Variants in BCKDHB observed in about 807,000 individuals in gnomAD.
The protein encoded by BCKDHB is branched chain keto acid dehydrogenase E1 subunit beta.
BCKDHB carries 41 observed loss-of-function variants against 48.5 expected under a neutral mutation model. That is an observed-to-expected ratio of 0.85 (90% confidence interval 0.66 to 1.10). BCKDHB has a LOEUF of 1.10. Ranked by LOEUF, BCKDHB falls within the 50% of genes least tolerant of loss-of-function variation. BCKDHB has a pLI of 0.00. For missense variants in BCKDHB, 496 were observed against 494.2 expected (o/e 1.00, Z -0.03); for synonymous variants, 201 against 174.8 (o/e 1.15, Z -1.18).
At chr6:80,238,487 C>T (rs868103557) in intron 8 of BCKDHB, among the ~76,000 whole-genome samples, 2 of 152,170 alleles carry the variant, frequency 1.3e-5, no homozygotes, top group African/African-American at 2.4e-5. Context: ...AATAACAACT[C>T]GTGAATCTGG....
At chr6:80,210,150 A>C (rs1346204363) in intron 8 of BCKDHB, among the ~76,000 whole-genome samples, 1 of 151,760 alleles carries the variant, frequency 6.6e-6, no homozygotes, top group Non-Finnish European at 1.5e-5. Context: ...AAAAAAAAAA[A>C]AAAACCAGAA....
intron 9 of BCKDHB, among the ~76,000 whole-genome samples, chr6:80,315,842 G>A (rs4235811): frequency 0.8 from 121,347 of 152,016 alleles, 48,598 homozygotes; most frequent in Admixed American, 0.87. Flanking sequence ...TGTAAGGAGT[G>A]AATTATGGAA....
At chr6:80,164,258 A>G (rs928358026) in intron 3 of BCKDHB, among the ~76,000 whole-genome samples, 4 of 151,714 alleles carry the variant, frequency 2.6e-5, no homozygotes, top group African/African-American at 9.7e-5. Context: ...CTTTTACTCT[A>G]GACCAGGCAA....
chr6:80,142,086 G>A lies in BCKDHB; in HGVS notation c.343+12857G>A, dbSNP rs149795367. Among the ~76,000 whole-genome samples the A allele has an allele frequency of 1.7e-3, 265 of 152,080 alleles. 1 individual carries two copies. Among genetic ancestry groups the A allele is most frequent in the African/African-American group, 6.0e-3 (251 of 41,534 alleles). ...AGACCAGTGAATTTTCATTTCTTATGTATTTGGAGTTGCTTGTTTTTTGAT... is the reference window on the plus strand; with the variant it reads ...AGACCAGTGAATTTTCATTTCTTATATATTTGGAGTTGCTTGTTTTTTGAT... On this transcript the variant is annotated intron_variant, in intron 3 of 9. Coordinates refer to ENST00000320393, the MANE Select transcript of BCKDHB (RefSeq NM_183050.4).
chr6:80,381,332 G>C, the BCKDHB span, among the ~76,000 whole-genome samples: 107 of 152,152 alleles, frequency 7.0e-4, 1 homozygote, highest in African/African-American at 2.4e-3. Context: ...CCAGAATGTG[G>C]ATCATGCCAG....
At chr6:80,130,138 C>CA (rs142179176) in intron 3 of BCKDHB, among the ~76,000 whole-genome samples, 2,842 of 152,276 alleles carry the variant, frequency 0.019, 83 homozygotes, top group African/African-American at 0.065. Context: ...TTCTGACTTG[C>CA]AGTGTAAGGA....
intron 6 of BCKDHB, among the ~76,000 whole-genome samples, chr6:80,179,272 C>T (rs1582296705): frequency 6.6e-6 from 1 of 152,184 alleles, no homozygotes; most frequent in East Asian, 1.9e-4. Flanking sequence ...ATAAAATGAT[C>T]TACTTTTTAA....
chr6:80,436,513 T>A, the BCKDHB span, among the ~76,000 whole-genome samples: 6 of 152,172 alleles, frequency 3.9e-5, no homozygotes, highest in Non-Finnish European at 8.8e-5. Flanking sequence ...TATTTAAGCA[T>A]GTTAGATGCA....
the BCKDHB span, among the ~76,000 whole-genome samples, chr6:80,387,627 C>G: frequency 2.0e-5 from 3 of 152,234 alleles, no homozygotes; most frequent in Non-Finnish European, 2.9e-5. Flanking sequence ...TCCCCTGTTA[C>G]CTGGTATGCA....
chr6:80,383,228 T>C, the BCKDHB span, among the ~76,000 whole-genome samples: 4 of 152,202 alleles, frequency 2.6e-5, no homozygotes. Context: ...ATTTCCCATA[T>C]GTTCTGTTTT....
intron 8 of BCKDHB, among the ~76,000 whole-genome samples, chr6:80,249,344 G>A (rs1042535865): frequency 1.3e-5 from 2 of 151,982 alleles, no homozygotes; most frequent in African/African-American, 4.8e-5. Context: ...ACACATTCAT[G>A]TCTGCAGTTA....
the BCKDHB span, among the ~76,000 whole-genome samples, chr6:80,394,301 T>G: frequency 6.6e-6 from 1 of 152,122 alleles, no homozygotes; most frequent in African/African-American, 2.4e-5. Context: ...TCATTTTGAC[T>G]GAGTTTTAAA....
intron 9 of BCKDHB, among the ~76,000 whole-genome samples, chr6:80,305,636 G>T (rs551762200): frequency 9.9e-5 from 15 of 152,174 alleles, no homozygotes; most frequent in African/African-American, 3.6e-4. Context: ...CTCCAAAGAA[G>T]AACTGAGTGA....
At chr6:80,418,748 G>A in the BCKDHB span, among the ~76,000 whole-genome samples, 2 of 152,176 alleles carry the variant, frequency 1.3e-5, no homozygotes, top group Admixed American at 1.3e-4. Flanking sequence ...TGTGGTGACA[G>A]CGGAATCCAT....
At chr6:80,356,842 T>C in the BCKDHB span, 1 of 152,014 alleles carries the variant, frequency 6.6e-6, no homozygotes, top group South Asian at 2.1e-4. Flanking sequence ...AAATATGGTA[T>C]TTTTTCTTCA....
In BCKDHB at chr6:80,106,881, G is replaced by A. The variant is rs1378566788; in HGVS notation, c.188G>A (p.Arg63Gln). The A allele has an allele frequency of 1.9e-6, 3 of 1,605,762 alleles. No individual in the cohort carries two copies. In the Admixed American group the frequency reaches 5.1e-5, roughly 27 times the overall value. Residue 63 changes from arginine (R) to glutamine (Q), a missense_variant, in exon 1 of 10, where the codon CGG becomes CAG. Arg to Gln is a conservative substitution (Grantham distance 43). Coordinates refer to ENST00000320393, the MANE Select transcript of BCKDHB (RefSeq NM_183050.4). ...ACTTTCCAGCCAGATCCGGAGCCCC[G>A]GGAGTACGGTGAGCCCTGGGACTGC... ...HFTFQPDPEP[R>Q]EYGQTQKMNL...
chr6:80,185,993 T>C (rs1773622393), intron 6 of BCKDHB, among the ~76,000 whole-genome samples: 1 of 152,176 alleles, frequency 6.6e-6, no homozygotes. Flanking sequence ...TTTCTCCTTT[T>C]TTGGAGCAGG....
chr6:80,416,281 A>T, the BCKDHB span, among the ~76,000 whole-genome samples: 1 of 147,248 alleles, frequency 6.8e-6, no homozygotes. Context: ...AATCTTCTTC[A>T]GTTCAGCTCT....
chr6:80,193,579 G>T (rs1191333667), intron 6 of BCKDHB, among the ~76,000 whole-genome samples: 1 of 152,072 alleles, frequency 6.6e-6, no homozygotes, highest in African/African-American at 2.4e-5. Context: ...AACTAGCTGG[G>T]TGTGGTGGCG....
Sources: allele counts gnomAD v4.1 joint callset (sites outside exome capture counted in the v4.1 genomes callset), GRCh38; gene constraint gnomAD v4.1.1; transcripts MANE v1.5; gene names NCBI Gene and HGNC (gene_info 2026-07-23, HGNC 2026-07-21).